The following SLC20A1 variants were observed in gnomAD, a reference collection of about 807,000 sequenced individuals.
The protein encoded by SLC20A1 is sodium-dependent phosphate transporter 1.
SLC20A1 carries 28 observed loss-of-function variants against 62.7 expected under a neutral mutation model. The ratio of observed to expected loss-of-function variants is 0.45; its 90% CI spans 0.33 to 0.61. The LOEUF (loss-of-function observed/expected upper bound fraction) is 0.61. Among genes scored for constraint, SLC20A1 ranks in the 20% least tolerant of loss-of-function variants. The probability of loss-of-function intolerance (pLI) is 0.02; values close to 1 mark genes in which losing one functional copy is unlikely to be tolerated. For synonymous variants in SLC20A1, 305 were observed against 302.9 expected (o/e 1.01, Z -0.07); for missense variants, 673 against 838.6 (o/e 0.80, Z 2.44).
At chr2:112,648,809 G>C (rs773531969) in intron 4 of SLC20A1, among the ~76,000 whole-genome samples, 1 of 152,206 alleles carries the variant, frequency 6.6e-6, no homozygotes, top group African/African-American at 2.4e-5. Flanking sequence ...GTTTTATTCA[G>C]CAGACAGGTA....
chr2:112,651,060 T>C (rs894215711), intron 4 of SLC20A1, among the ~76,000 whole-genome samples: 1 of 152,256 alleles, frequency 6.6e-6, no homozygotes, highest in African/African-American at 2.4e-5. Context: ...GATTTCTGTA[T>C]GCTATTGTTT....
At position 112,646,650 on chromosome 2, in the gene SLC20A1, A is replaced by G. The variant is rs1686286986; in HGVS notation, c.-179A>G. The G allele has an allele frequency of 3.8e-6, 1 of 260,526 alleles. No homozygotes were observed. Among genetic ancestry groups the G allele is most frequent in the South Asian group, 1.7e-4 (1 of 6,054 alleles). The allele number at this position is 260,526 out of a possible 1,614,324, so 16.1% of individuals were successfully genotyped here. The stretch of plus-strand genomic sequence containing the variant: ...GAGCCAAAGAAACCCCAGACAACAG[A>G]TGCCCATACGCAGCGTATAGCAGTA... On this transcript the variant is annotated 5_prime_UTR_variant, in exon 2 of 11. An upstream start codon of the reference 5' UTR is lost. Transcript: ENST00000272542.
intron 8 of SLC20A1, 33 bp from the exon 9 acceptor site, chr2:112,660,353 GA>G (rs1163692839): frequency 6.3e-7 from 1 of 1,598,952 alleles, no homozygotes; most frequent in Non-Finnish European, 8.5e-7. Context: ...AGTTCTGCCT[GA>G]AAAGTCACTT....
In SLC20A1 at chr2:112,647,025, C is replaced by T. The variant is rs2104639699; in HGVS notation, c.197C>T (p.Ala66Val). The part of the protein sequence containing the change: ...VVTLKQACIL[A>V]SIFETVGSVL... ...ACCCTGAAGCAAGCCTGCATCCTAG[C>T]TAGCATCTTTGAAACAGTGGGCTCT... is the stretch of plus-strand genomic sequence containing the variant. Residue 66 changes from alanine (A) to valine (V), a missense_variant, in exon 2 of 11, where the codon GCT (alanine) becomes GTT (valine). Transcript: ENST00000272542. 1 of 1,614,180 alleles carries T rather than the reference C, an allele frequency of 6.2e-7. No homozygotes were observed. The highest frequency in any genetic ancestry group is 1.6e-4 in the Middle Eastern group (1 of 6,062).
chr2:112,657,759 A>G (rs1308285661), intron 6 of SLC20A1, among the ~76,000 whole-genome samples: 4 of 152,254 alleles, frequency 2.6e-5, no homozygotes, highest in Non-Finnish European at 5.9e-5. Flanking sequence ...GCAGTATACA[A>G]TGCAAATACA....
rs781684771 is a variant in SLC20A1 at position 112,660,655 on chromosome 2, CTAAAG to C, written c.1793+87_1793+91del. 392 of 1,152,730 alleles carry C rather than the reference CTAAAG, an allele frequency of 3.4e-4. 1 individual carries two copies. Among genetic ancestry groups the C allele is most frequent in the Non-Finnish European group, 2.4e-4 (202 of 831,260 alleles). The allele number at this position is 1,152,730 out of a possible 1,614,324, so 71.4% of individuals were successfully genotyped here. ...CACTGTCGAGTGCTAACACAAATCT[CTAAAG>C]TAACCAAGTTTGTATAAGTTCATGA... On this transcript the variant is annotated intron_variant, in intron 9 of 10. Transcript: ENST00000272542.
intron 4 of SLC20A1, among the ~76,000 whole-genome samples, chr2:112,650,116 A>G (rs1686395661): frequency 1.3e-5 from 2 of 152,238 alleles, no homozygotes; most frequent in Admixed American, 1.3e-4. Flanking sequence ...CGTAGAGAAT[A>G]CCTCAGATTT....
chr2:112,650,188 T>C (rs1006491415), intron 4 of SLC20A1, among the ~76,000 whole-genome samples: 4 of 152,240 alleles, frequency 2.6e-5, no homozygotes, highest in African/African-American at 7.2e-5. Flanking sequence ...CACAGGCTGC[T>C]ACTTCAGACT....
At position 112,662,846 on chromosome 2, in the gene SLC20A1, G is replaced by T. The variant is rs373044805; in HGVS notation, c.1879-18G>T. On this transcript the variant is annotated intron_variant, in intron 10 of 10. Transcript: ENST00000272542. ...TGGCACTTCAATAACCTGTTTCCTT[G>T]GTCTGCTTCTCTTCTAGGTGGGCTC... 6.2e-7 allele frequency: 1 copy of T among 1,611,664 alleles called. No homozygotes were observed. Among genetic ancestry groups the T allele is most frequent in the Non-Finnish European group, 8.5e-7 (1 of 1,179,344 alleles).
At chr2:112,657,875 A>T (rs116814508) in intron 6 of SLC20A1, among the ~76,000 whole-genome samples, 3,013 of 152,340 alleles carry the variant, frequency 0.02, 102 homozygotes, top group African/African-American at 0.069. Context: ...ACACTCATGT[A>T]ATTAAATACT....
At chr2:112,652,894 A>C in intron 5 of SLC20A1, 96 bp downstream of exon 5, 1 of 1,608,614 alleles carries the variant, frequency 6.2e-7, no homozygotes, top group Non-Finnish European at 8.5e-7. Flanking sequence ...TACAGGGCTG[A>C]AATCTCCTAG....
intron 4 of SLC20A1, among the ~76,000 whole-genome samples, chr2:112,648,271 C>A (rs917938845): frequency 3.5e-4 from 53 of 152,202 alleles, no homozygotes; most frequent in Non-Finnish European, 1.3e-4. Context: ...TTTTGGCCCG[C>A]CCCCCAAAAA....
At chr2:112,660,733 A>T (rs1376534156) in intron 9 of SLC20A1, 161 bp downstream of exon 9, 6 of 670,648 alleles carry the variant, frequency 8.9e-6, no homozygotes, top group Non-Finnish European at 1.2e-5. Context: ...TCTGGCCCTT[A>T]AACATTTTGG....
intron 1 of SLC20A1, among the ~76,000 whole-genome samples, 168 bp from the exon 2 acceptor site, chr2:112,646,395 G>A (rs1279673472): frequency 6.6e-6 from 1 of 152,002 alleles, no homozygotes. Context: ...CGCGGGCCGC[G>A]GAGGACCCGG....
Position 112,659,262 on chromosome 2 carries a change from A to G in SLC20A1, c.1107A>G (p.Gln369=), listed in dbSNP as rs760040431. The change falls in exon 8 of 11, where the codon CAA becomes CAG. Residue 369 remains glutamine, a synonymous_variant. Transcript: ENST00000272542. ...AGTTCAGTCAAGCCGTCAGCAACCA[A>G]ATAAACTCCAGTGGCCACTACCAGT... ...LVQFSQAVSN[Q]INSSGHYQYH... The G allele has an allele frequency of 1.2e-6, 2 of 1,614,164 alleles. No homozygotes were observed. The highest frequency in any genetic ancestry group is 1.6e-4 in the Middle Eastern group (1 of 6,062).
chr2:112,653,034 A>T (rs759005453), intron 5 of SLC20A1: 9 of 923,362 alleles, frequency 9.7e-6, no homozygotes, highest in Non-Finnish European at 1.5e-5. Context: ...TTTAGTCTTC[A>T]CAGGATCCAC....
At chr2:112,651,067 G>A (rs758762570) in intron 4 of SLC20A1, among the ~76,000 whole-genome samples, 3 of 152,132 alleles carry the variant, frequency 2.0e-5, no homozygotes, top group Non-Finnish European at 4.4e-5. Flanking sequence ...GTATGCTATT[G>A]TTTTTGTTTT....
At position 112,659,467 on chromosome 2, in the gene SLC20A1, G is replaced by T. The variant is rs759515767; in HGVS notation, c.1312G>T (p.Gly438Cys). The T allele has an allele frequency of 6.2e-7, 1 of 1,614,210 alleles. No individual in the cohort carries two copies. Among genetic ancestry groups the T allele is most frequent in the Admixed American group, 1.7e-5 (1 of 60,032 alleles). ...TCTGGATTCATTCCGTGCCAAAGAA[G>T]GTGAACAGAAGGGCGAAGAAATGGA... ...MPLDSFRAKE[G>C]EQKGEEMEKL... The change falls in exon 8 of 11, where the codon GGT (glycine) becomes TGT (cysteine). Residue 438 changes from glycine to cysteine, a missense_variant. Coordinates refer to ENST00000272542, the MANE Select transcript of SLC20A1 (RefSeq NM_005415.5).
At chr2:112,662,442 G>A (rs968087420) in intron 10 of SLC20A1, among the ~76,000 whole-genome samples, 4 of 112,916 alleles carry the variant, frequency 3.5e-5, no homozygotes, top group Non-Finnish European at 5.7e-5. Flanking sequence ...TTAGCTAGGC[G>A]TGGTGGTGGG....
Sources: gnomAD v4.1 joint callset for allele counts (sites outside exome capture counted in the v4.1 genomes callset) on GRCh38, gnomAD v4.1.1 for gene constraint, MANE v1.5 for transcripts, NCBI Gene and HGNC (gene_info 2026-07-23, HGNC 2026-07-21) for gene names.